The following CTNNA2 variants were observed in gnomAD, a reference collection of about 807,000 sequenced individuals.
The protein encoded by CTNNA2 is catenin alpha-2.
A neutral mutation model predicts 101.0 loss-of-function variants in CTNNA2; 42 were observed. The ratio of observed to expected loss-of-function variants is 0.42; its 90% CI spans 0.32 to 0.54. CTNNA2 has a LOEUF of 0.54. Among genes scored for constraint, CTNNA2 ranks in the 20% least tolerant of loss-of-function variants. The pLI is 0.14. For synonymous variants in CTNNA2, 450 were observed against 456.4 expected, an observed-to-expected ratio of 0.99 and a Z score of 0.18; for missense variants, 871 against 1,223.1, an observed-to-expected ratio of 0.71 and a Z score of 4.29.
intron 7 of CTNNA2, among the ~76,000 whole-genome samples, chr2:80,031,270 A>C (rs184159508): frequency 6.6e-6 from 1 of 152,324 alleles, no homozygotes; most frequent in East Asian, 1.9e-4. Context: ...TTGACCCTAG[A>C]GAGGAGAGTG....
intron 1 of CTNNA2, among the ~76,000 whole-genome samples, chr2:79,596,806 A>T (rs1573438871): frequency 1.3e-5 from 2 of 152,166 alleles, no homozygotes; most frequent in Admixed American, 6.5e-5. Flanking sequence ...AACATCTTTG[A>T]CCTACAGCTA....
chr2:79,727,470 T>G (rs1686918743), intron 2 of CTNNA2, among the ~76,000 whole-genome samples: 1 of 152,180 alleles, frequency 6.6e-6, no homozygotes, highest in African/African-American at 2.4e-5. Context: ...GAATCCCTCT[T>G]AATTTTGACG....
At chr2:80,128,233 G>C (rs143163922) in intron 7 of CTNNA2, among the ~76,000 whole-genome samples, 1 of 152,176 alleles carries the variant, frequency 6.6e-6, no homozygotes, top group Admixed American at 6.5e-5. Context: ...TGTGAAAACC[G>C]AAGCCTGGTG....
intron 2 of CTNNA2, among the ~76,000 whole-genome samples, chr2:79,741,176 T>G (rs1470116370): frequency 6.6e-6 from 1 of 152,098 alleles, no homozygotes; most frequent in African/African-American, 2.4e-5. Context: ...AGACCCAACT[T>G]TTTCACCTAC....
chr2:79,731,156 T>C (rs2104919704), intron 2 of CTNNA2, among the ~76,000 whole-genome samples: 1 of 152,184 alleles, frequency 6.6e-6, no homozygotes, highest in South Asian at 2.1e-4. Flanking sequence ...ATGTGTTACT[T>C]TTGATTGTTG....
chr2:80,383,181 T>C (rs1676673636), intron 7 of CTNNA2, among the ~76,000 whole-genome samples: 1 of 152,208 alleles, frequency 6.6e-6, no homozygotes, highest in Non-Finnish European at 1.5e-5. Context: ...CCTGTGTTGA[T>C]AAAATAAATC....
At chr2:79,480,344 T>C (rs1671095659) in intron 4 of CTNNA2, among the ~76,000 whole-genome samples, 1 of 152,094 alleles carries the variant, frequency 6.6e-6, no homozygotes, top group South Asian at 2.1e-4. Flanking sequence ...AAACAAACCA[T>C]AAAAAACACC....
chr2:80,502,340 A>G lies in CTNNA2; in HGVS notation c.1291-42642A>G, dbSNP rs1320177898. On this transcript the variant is annotated intron_variant, in intron 9 of 18. Coordinates refer to ENST00000402739, the MANE Select transcript of CTNNA2 (RefSeq NM_001282597.3). ...AAATGATTCCTGGCAACAGAGAAAT[A>G]CTTATGGTATGCTTATTTGTGGAAA... Among the ~76,000 whole-genome samples, 3 of 152,276 alleles carry G rather than the reference A, an allele frequency of 2.0e-5. No individual in the cohort carries two copies. In the Middle Eastern group the frequency reaches 0.01, roughly 518 times the overall value.
chr2:79,628,802 A>G lies in CTNNA2; in HGVS notation c.-5-22750A>G, dbSNP rs1229921432. Among the ~76,000 whole-genome samples the G allele has an allele frequency of 7.2e-5, 11 of 152,128 alleles. No homozygotes were observed. The South Asian group carries it at 2.3e-3, about 32-fold the overall frequency. ...ATTCCTGGCATTTTAGACATTTTTC[A>G]CGATCTGTGACTCTTGTCTCATGGG... On this transcript the variant is annotated intron_variant, in intron 1 of 18. Transcript: ENST00000402739.
chr2:79,993,652 G>C (rs761332980), intron 7 of CTNNA2, among the ~76,000 whole-genome samples: 1 of 152,174 alleles, frequency 6.6e-6, no homozygotes, highest in Non-Finnish European at 1.5e-5. Context: ...GTAGTGTGGA[G>C]TGAAGAGGGA....
intron 3 of CTNNA2, among the ~76,000 whole-genome samples, chr2:79,791,260 TGTGGAA>T (rs1431668173): frequency 6.6e-6 from 1 of 152,188 alleles, no homozygotes; most frequent in Non-Finnish European, 1.5e-5. Context: ...GCATTTGAGC[TGTGGAA>T]CAAATAAGAA....
At chr2:80,350,682 GGT>G (rs1673202478) in intron 7 of CTNNA2, among the ~76,000 whole-genome samples, 1 of 152,068 alleles carries the variant, frequency 6.6e-6, no homozygotes, top group Non-Finnish European at 1.5e-5. Context: ...AAATGAATGT[GGT>G]AAAGCACTTG....
chr2:79,954,407 A>G (rs1325423750), intron 7 of CTNNA2, among the ~76,000 whole-genome samples: 1 of 152,170 alleles, frequency 6.6e-6, no homozygotes, highest in East Asian at 1.9e-4. Flanking sequence ...TCTGGACTGC[A>G]GATCTCAAAT....
chr2:79,204,768 T>C (rs180697942), intron 2 of CTNNA2, among the ~76,000 whole-genome samples: 296 of 152,336 alleles, frequency 1.9e-3, no homozygotes, highest in African/African-American at 6.5e-3. Context: ...GCCTTGATTG[T>C]TGCATCCTCC....
At position 79,982,244 on chromosome 2, in the gene CTNNA2, A is replaced by C. The variant is rs1428619848; in HGVS notation, c.1056+72447A>C. 1.2e-4 allele frequency among the ~76,000 whole-genome samples: 11 copies of C among 92,880 alleles called. No individual in the cohort carries two copies. The Admixed American group carries it at 1.2e-3, about 10-fold the overall frequency. 60.9% of individuals were successfully genotyped at this position (92,880 alleles called of 152,430 possible). A position where few individuals can be genotyped will look rare whatever the true frequency, so the allele number is the denominator to read the frequency against. Reference sequence around the variant, plus strand: ...TATATATATATATATATATATATGTATGTATATGTACACACACACATAACA... The same window carrying C: ...TATATATATATATATATATATATGTCTGTATATGTACACACACACATAACA... On this transcript the variant is annotated intron_variant, in intron 7 of 18. Coordinates refer to ENST00000402739, the MANE Select transcript of CTNNA2 (RefSeq NM_001282597.3).
At chr2:80,001,614 T>C (rs1368909) in intron 7 of CTNNA2, among the ~76,000 whole-genome samples, 58,139 of 152,080 alleles carry the variant, frequency 0.38, 12,048 homozygotes, top group East Asian at 0.74. Context: ...GGAATGTGTA[T>C]GTTTAACCAA....
intron 15 of CTNNA2, among the ~76,000 whole-genome samples, chr2:80,600,862 CT>C (rs1367709824): frequency 6.6e-6 from 1 of 152,098 alleles, no homozygotes; most frequent in African/African-American, 2.4e-5. Flanking sequence ...TGTGAGGCAC[CT>C]GTCAGTATAC....
rs1677055719 is a variant in CTNNA2 at position 79,594,321 on chromosome 2, G to A, written c.-5-57231G>A. Reference sequence around the variant, plus strand: ...CAGCTGTGTAGCACAGAGGTTATGAGAAGACACTCACCATCCAGACTGTGT... The same window carrying A: ...CAGCTGTGTAGCACAGAGGTTATGAAAAGACACTCACCATCCAGACTGTGT... On this transcript the variant is annotated intron_variant, in intron 1 of 18. Coordinates refer to ENST00000402739, the MANE Select transcript of CTNNA2 (RefSeq NM_001282597.3). 2.0e-5 allele frequency among the ~76,000 whole-genome samples: 3 copies of A among 152,096 alleles called. No individual in the cohort carries two copies. The South Asian group carries it at 6.2e-4, about 32-fold the overall frequency.
At chr2:80,335,224 A>G (rs1316919426) in intron 7 of CTNNA2, among the ~76,000 whole-genome samples, 1 of 152,216 alleles carries the variant, frequency 6.6e-6, no homozygotes, top group East Asian at 1.9e-4. Context: ...GGAGGGTCTT[A>G]ACAATGTGAT....
Sources: gnomAD v4.1 joint callset for allele counts (sites outside exome capture counted in the v4.1 genomes callset) on GRCh38, gnomAD v4.1.1 for gene constraint, MANE v1.5 for transcripts, NCBI Gene and HGNC (gene_info 2026-07-23, HGNC 2026-07-21) for gene names.